The following PCDHA4 variants were observed in gnomAD, a reference collection of about 807,000 sequenced individuals.
PCDHA4 encodes protocadherin alpha-4.
Under a neutral mutation model 61.4 loss-of-function variants are expected in PCDHA4, and 49 were observed. The ratio of observed to expected loss-of-function variants is 0.80; its 90% CI spans 0.63 to 1.01. The LOEUF is 1.01. Among genes scored for constraint, PCDHA4 ranks in the 50% least tolerant of loss-of-function variants. The pLI, the probability that PCDHA4 is intolerant of heterozygous loss-of-function variation, is 0.00. For missense variants in PCDHA4, 1,254 were observed against 1,235.8 expected (o/e 1.01, Z -0.22); for synonymous variants, 590 against 550.3 (o/e 1.07, Z -1.01).
intron 1 of PCDHA4, chr5:140,927,314 C>G: frequency 6.2e-7 from 1 of 1,614,194 alleles, no homozygotes; most frequent in East Asian, 2.2e-5. Flanking sequence ...ACGCCCGGAG[C>G]CCGCTTTACT....
chr5:140,826,843 G>A (rs1033501047), intron 1 of PCDHA4, among the ~76,000 whole-genome samples: 2 of 152,078 alleles, frequency 1.3e-5, no homozygotes, highest in African/African-American at 2.4e-5. Context: ...TTTCTCAAGT[G>A]TCTTGCAATT....
intron 3 of PCDHA4, among the ~76,000 whole-genome samples, chr5:140,984,397 G>A (rs1400095442): frequency 1.3e-5 from 2 of 152,112 alleles, no homozygotes; most frequent in African/African-American, 4.8e-5. Context: ...AAAATGTTGA[G>A]AACCTATCTT....
intron 1 of PCDHA4, among the ~76,000 whole-genome samples, chr5:140,951,383 G>A (rs782698893): frequency 1.2e-4 from 19 of 152,064 alleles, no homozygotes; most frequent in Non-Finnish European, 2.6e-4. Flanking sequence ...CCAAGACTCG[G>A]TAATTTATAA....
intron 1 of PCDHA4, among the ~76,000 whole-genome samples, chr5:140,941,191 T>TTTCTTTCTTCCTTTCTTCCTTTC (rs1487503403): frequency 1.1e-5 from 1 of 93,258 alleles, no homozygotes; most frequent in African/African-American, 3.9e-5. Flanking sequence ...GCTTCTTTTT[T>TTTCTTTCTTCCTTTCTTCCTTTC]TTTCTTTCTT....
chr5:140,830,084 GT>G, intron 1 of PCDHA4: 1 of 1,613,714 alleles, frequency 6.2e-7, no homozygotes, highest in Non-Finnish European at 8.5e-7. Flanking sequence ...GACGGCCACG[GT>G]TCTGGTGTCG....
At chr5:140,891,246 A>AT (rs1213637493) in intron 1 of PCDHA4, among the ~76,000 whole-genome samples, 11 of 151,766 alleles carry the variant, frequency 7.2e-5, no homozygotes, top group South Asian at 2.1e-4. Context: ...ATTCAGTAGG[A>AT]TTTTTTTTAA....
chr5:140,856,683 C>T, intron 1 of PCDHA4: 1 of 1,597,480 alleles, frequency 6.3e-7, no homozygotes, highest in Non-Finnish European at 8.6e-7. Context: ...TTGTTGTTGA[C>T]AGCAACTGAT....
chr5:140,939,851 A>G (rs1313215259), intron 1 of PCDHA4, among the ~76,000 whole-genome samples: 2 of 152,206 alleles, frequency 1.3e-5, no homozygotes, highest in African/African-American at 4.8e-5. Context: ...TGTGTTCTGT[A>G]TATGTCCATT....
chr5:140,919,666 A>G (rs1247598579), intron 1 of PCDHA4, among the ~76,000 whole-genome samples: 1 of 152,154 alleles, frequency 6.6e-6, no homozygotes. Context: ...TATATATTTT[A>G]GCTTATTGGT....
chr5:140,984,365 C>G (rs2097099251), intron 3 of PCDHA4, among the ~76,000 whole-genome samples: 1 of 152,128 alleles, frequency 6.6e-6, no homozygotes. Flanking sequence ...TACATCTGGC[C>G]AAGTCCCTCT....
Position 140,858,234 on chromosome 5 carries a change from C to T in PCDHA4, c.2385+48662C>T, listed in dbSNP as rs782153266. 3 of 1,596,216 alleles carry T rather than the reference C, an allele frequency of 1.9e-6. No homozygotes were observed. The highest frequency in any genetic ancestry group is 3.4e-5 in the Admixed American group (2 of 59,220). ...TGCTCGGCGGCGCCCACCGAGGGCGCATGTGGGCCGGTGAAGCCCACGCTG... is the reference window on the plus strand; with the variant it reads ...TGCTCGGCGGCGCCCACCGAGGGCGTATGTGGGCCGGTGAAGCCCACGCTG... On this transcript the variant is annotated intron_variant, in intron 1 of 3. Coordinates refer to ENST00000530339, the MANE Select transcript of PCDHA4 (RefSeq NM_018907.4).
chr5:140,925,088 A>G (rs536355365), intron 1 of PCDHA4, among the ~76,000 whole-genome samples: 11 of 151,436 alleles, frequency 7.3e-5, no homozygotes, highest in African/African-American at 2.7e-4. Context: ...CTGGAAAGGA[A>G]GGAAGGAAGG....
intron 1 of PCDHA4, among the ~76,000 whole-genome samples, chr5:140,963,606 G>A (rs79307503): frequency 0.011 from 1,749 of 152,250 alleles, 32 homozygotes; most frequent in African/African-American, 0.039. Context: ...AGACGTAATT[G>A]GGAAAGCTTA....
At chr5:140,890,204 CT>C (rs1256018806) in intron 1 of PCDHA4, among the ~76,000 whole-genome samples, 2 of 151,984 alleles carry the variant, frequency 1.3e-5, no homozygotes, top group African/African-American at 4.8e-5. Context: ...TTTTGTTTTT[CT>C]TTTTTCCCAG....
chr5:141,006,346 G>C (rs2098268580), intron 3 of PCDHA4, among the ~76,000 whole-genome samples: 1 of 151,806 alleles, frequency 6.6e-6, no homozygotes, highest in South Asian at 2.1e-4. Context: ...TGAGTAGCTG[G>C]GACTATAGGC....
rs2096607447 is a variant in PCDHA4, at chr5:140,973,909, C to T, written c.2386-5040C>T. 2.0e-5 allele frequency among the ~76,000 whole-genome samples: 3 copies of T among 152,194 alleles called. 1 individual carries two copies. The highest frequency in any genetic ancestry group is 2.0e-4 in the Admixed American group (3 of 15,280). On this transcript the variant is annotated intron_variant, in intron 1 of 3. Coordinates refer to ENST00000530339, the MANE Select transcript of PCDHA4 (RefSeq NM_018907.4). ...ATTTGCAAATGTTTGAGGAAACATT[C>T]CTGTCACCAAACCCAGAGGTTTAGC...
chr5:140,808,322 A>G lies in PCDHA4; in HGVS notation c.1135A>G (p.Met379Val), dbSNP rs1226675581. 6.2e-7 allele frequency: 1 copy of G among 1,614,108 alleles called. No individual in the cohort carries two copies. The highest frequency in any genetic ancestry group is 1.7e-5 in the Admixed American group (1 of 60,016). The change falls in exon 1 of 4, where the codon ATG (methionine) becomes GTG (valine). Residue 379 changes from methionine (M) to valine (V), a missense_variant. Physicochemically the swap from Met to Val is conservative, Grantham distance 21. Coordinates refer to ENST00000530339, the MANE Select transcript of PCDHA4 (RefSeq NM_018907.4). ...CCTGATCAGCGTGTCCGACAAAGAC[A>G]TGGGTGTCAATGGGCTGGTCACCTG... ...IALISVSDKD[M>V]GVNGLVTCSL...
chr5:140,856,424 AACG>A, intron 1 of PCDHA4: 1 of 1,598,418 alleles, frequency 6.3e-7, no homozygotes, highest in Non-Finnish European at 8.6e-7. Context: ...GAAGGACATT[AACG>A]ACAACCCGCC....
Position 141,010,460 on chromosome 5 carries a change from A to G in PCDHA4, c.*523A>G. ...AGACAAATAAACAGCGGAAGTTATC[A>G]GTATGGAGGGGAAGTGTAAACTTAA... On this transcript the variant is annotated 3_prime_UTR_variant, in exon 4 of 4. Coordinates refer to ENST00000530339, the MANE Select transcript of PCDHA4 (RefSeq NM_018907.4). The G allele has an allele frequency of 1.2e-6, 1 of 835,130 alleles. No individual in the cohort carries two copies. The highest frequency in any genetic ancestry group is 1.8e-6 in the Non-Finnish European group (1 of 562,732). The allele number at this position is 835,130 out of a possible 1,614,324, so 51.7% of individuals were successfully genotyped here.
Sources: allele counts gnomAD v4.1 joint callset (sites outside exome capture counted in the v4.1 genomes callset), GRCh38; gene constraint gnomAD v4.1.1; transcripts MANE v1.5; gene names NCBI Gene and HGNC (gene_info 2026-07-23, HGNC 2026-07-21).